The following ARFGEF3 variants were observed in gnomAD, a reference collection of about 807,000 sequenced individuals.
ARFGEF3 encodes the protein brefeldin A-inhibited guanine nucleotide-exchange protein 3.
Under a neutral mutation model 221.7 loss-of-function variants are expected in ARFGEF3, and 96 were observed. The observed-to-expected ratio is 0.43, with a 90% CI of 0.37 to 0.51. The LOEUF is 0.51. Among genes scored for constraint, ARFGEF3 ranks in the 20% least tolerant of loss-of-function variants. The pLI, the probability that ARFGEF3 is intolerant of heterozygous loss-of-function variation, is 0.00. For missense variants in ARFGEF3, 2,410 were observed against 2,789.9 expected, an observed-to-expected ratio of 0.86 and a Z score of 3.07; for synonymous variants, 1,145 against 1,126.8, an observed-to-expected ratio of 1.02 and a Z score of -0.32.
chr6:138,216,690 G>A (rs1338924697), intron 4 of ARFGEF3: 2 of 152,198 alleles, frequency 1.3e-5, no homozygotes, highest in African/African-American at 4.8e-5. Context: ...ATAACAGGGA[G>A]AAATCTCTTC....
At chr6:138,310,989 T>G (rs901629120) in intron 24 of ARFGEF3, among the ~76,000 whole-genome samples, 10 of 152,202 alleles carry the variant, frequency 6.6e-5, no homozygotes, top group Non-Finnish European at 2.9e-5. Flanking sequence ...CCAGGACTTG[T>G]CTCTGGGATT....
chr6:138,270,710 CA>C (rs1323794180), intron 12 of ARFGEF3, among the ~76,000 whole-genome samples: 1 of 152,174 alleles, frequency 6.6e-6, no homozygotes, highest in African/African-American at 2.4e-5. Context: ...AGCAAGCCAG[CA>C]GAAAGATTCT....
intron 9 of ARFGEF3, 28 bp from the exon 10 acceptor site, chr6:138,255,408 A>G (rs1778657005): frequency 6.6e-7 from 1 of 1,523,144 alleles, no homozygotes; most frequent in Non-Finnish European, 8.9e-7. Context: ...TCGTGGGGAA[A>G]GTTACTTTTC....
chr6:138,269,141 C>A (rs986660363), intron 12 of ARFGEF3, among the ~76,000 whole-genome samples: 1 of 152,242 alleles, frequency 6.6e-6, no homozygotes, highest in East Asian at 1.9e-4. Context: ...CCTCCCTCCT[C>A]GGGTGTCCCG....
At chr6:138,333,576 G>T (rs1357918480) in intron 32 of ARFGEF3, among the ~76,000 whole-genome samples, 2 of 152,072 alleles carry the variant, frequency 1.3e-5, no homozygotes, top group African/African-American at 4.8e-5. Flanking sequence ...CTAGTAAGCT[G>T]GGACTACAGG....
intron 4 of ARFGEF3, among the ~76,000 whole-genome samples, chr6:138,215,154 C>G (rs759949447): frequency 6.6e-6 from 1 of 152,146 alleles, no homozygotes; most frequent in African/African-American, 2.4e-5. Context: ...ACTTCTCTGA[C>G]GAGAGTAGTT....
In ARFGEF3 at chr6:138,214,285, A is replaced by T. The variant is rs183419779; in HGVS notation, c.351+4244A>T. Among the ~76,000 whole-genome samples the T allele has an allele frequency of 2.1e-4, 32 of 152,372 alleles. 1 individual carries two copies. Among genetic ancestry groups the T allele is most frequent in the Non-Finnish European group, 1.5e-5 (1 of 68,034 alleles). The stretch of plus-strand genomic sequence containing the variant: ...TGGATTTCCATTACATCTGAAGGGT[A>T]TGTTAATTTAGTCTTGGCACTTCTA... On this transcript the variant is annotated intron_variant, in intron 4 of 33. Coordinates refer to ENST00000251691, the MANE Select transcript of ARFGEF3 (RefSeq NM_020340.5).
chr6:138,256,860 A>G (rs1287869480), intron 10 of ARFGEF3, among the ~76,000 whole-genome samples: 1 of 151,954 alleles, frequency 6.6e-6, no homozygotes, highest in Admixed American at 6.6e-5. Context: ...TCATGGCTCA[A>G]TGCAGCATGG....
At position 138,338,385 on chromosome 6, in the gene ARFGEF3, G is replaced by A. The variant is rs1247802300; in HGVS notation, c.*1899G>A. 6.6e-6 allele frequency: 1 copy of A among 152,162 alleles called. No homozygotes were observed. Among genetic ancestry groups the A allele is most frequent in the Non-Finnish European group, 1.5e-5 (1 of 68,032 alleles). The allele number at this position is 152,162 out of a possible 1,614,324, so 9.4% of individuals were successfully genotyped here. A position where few individuals can be genotyped will look rare whatever the true frequency, so the allele number is the denominator to read the frequency against. The stretch of plus-strand genomic sequence containing the variant: ...AGGTTCAGTTCTTCTTTGTGAACCT[G>A]TGAGTACTCCACAGTTTACTGGGGG... On this transcript the variant is annotated 3_prime_UTR_variant, in exon 34 of 34. Coordinates refer to ENST00000251691, the MANE Select transcript of ARFGEF3 (RefSeq NM_020340.5).
chr6:138,282,786 C>T (rs1175858789), intron 14 of ARFGEF3, among the ~76,000 whole-genome samples: 3 of 152,180 alleles, frequency 2.0e-5, no homozygotes, highest in Admixed American at 1.3e-4. Context: ...CAGTGGCTCA[C>T]GCCAATAATC....
chr6:138,245,715 C>T (rs997368996), intron 8 of ARFGEF3, 124 bp downstream of exon 8: 68 of 756,680 alleles, frequency 9.0e-5, no homozygotes, highest in South Asian at 2.3e-4. Flanking sequence ...CCCCCCTCCA[C>T]ACCCTAAACG....
chr6:138,201,314 A>G (rs1161178134), intron 2 of ARFGEF3, among the ~76,000 whole-genome samples: 1 of 152,220 alleles, frequency 6.6e-6, no homozygotes, highest in Middle Eastern at 3.2e-3. Flanking sequence ...CAATCCCACT[A>G]CTGGATATCT....
intron 5 of ARFGEF3, among the ~76,000 whole-genome samples, chr6:138,233,837 T>G (rs574326002): frequency 1.1e-4 from 17 of 152,314 alleles, no homozygotes; most frequent in African/African-American, 3.8e-4. Flanking sequence ...TGTTATATTC[T>G]CTGCAAGACT....
intron 12 of ARFGEF3, among the ~76,000 whole-genome samples, chr6:138,276,700 C>T (rs1415496165): frequency 6.6e-6 from 1 of 152,086 alleles, no homozygotes; most frequent in East Asian, 1.9e-4. Flanking sequence ...GAGTATCTTT[C>T]TGTTGCCCAG....
Position 138,278,445 on chromosome 6 carries a change from C to T in ARFGEF3, c.2129-6C>T, listed in dbSNP as rs1182730347. 1.2e-6 allele frequency: 2 copies of T among 1,613,434 alleles called. No individual in the cohort carries two copies. Among genetic ancestry groups the T allele is most frequent in the Non-Finnish European group, 1.7e-6 (2 of 1,179,784 alleles). The stretch of plus-strand genomic sequence containing the variant: ...CCCCCAAAAGTCCCTTCATTGTCTC[C>T]CTTAGGCATGATGCACTCTCCTGGC... On this transcript the variant is annotated splice_polypyrimidine_tract_variant and splice_region_variant and intron_variant, in intron 12 of 33. Coordinates refer to ENST00000251691, the MANE Select transcript of ARFGEF3 (RefSeq NM_020340.5).
chr6:138,187,317 C>T (rs1777209008), intron 2 of ARFGEF3, among the ~76,000 whole-genome samples: 1 of 152,186 alleles, frequency 6.6e-6, no homozygotes, highest in African/African-American at 2.4e-5. Context: ...AGGATTATCC[C>T]CTCTGTTTGT....
chr6:138,304,691 T>A (rs1042740000), intron 22 of ARFGEF3, among the ~76,000 whole-genome samples: 1 of 152,186 alleles, frequency 6.6e-6, no homozygotes, highest in Non-Finnish European at 1.5e-5. Flanking sequence ...GGTTTAGACT[T>A]TTAAAATGTT....
At chr6:138,298,552 C>T in intron 21 of ARFGEF3, 54 bp from the exon 22 acceptor site, 4 of 1,480,538 alleles carry the variant, frequency 2.7e-6, no homozygotes, top group Non-Finnish European at 1.8e-6. Context: ...CTTCAGAAAC[C>T]ATTCTCACTG....
intron 32 of ARFGEF3, among the ~76,000 whole-genome samples, chr6:138,329,858 T>G (rs917909385): frequency 6.6e-6 from 1 of 152,096 alleles, no homozygotes; most frequent in African/African-American, 2.4e-5. Context: ...ACAGGCTTTG[T>G]GTGAGCAACA....
Sources: allele counts gnomAD v4.1 joint callset (sites outside exome capture counted in the v4.1 genomes callset), GRCh38; gene constraint gnomAD v4.1.1; transcripts MANE v1.5; gene names NCBI Gene and HGNC (gene_info 2026-07-23, HGNC 2026-07-21).